METTL8: variants seen among roughly 807,000 people sequenced by gnomAD.
The protein encoded by METTL8 is methyltransferase 8, tRNA N3-cytidine.
METTL8 carries 32 observed loss-of-function variants against 48.7 expected under a neutral mutation model. The observed-to-expected ratio is 0.66, with a 90% confidence interval of 0.50 to 0.88. METTL8 has a LOEUF of 0.88. Among genes scored for constraint, METTL8 ranks in the 40% least tolerant of loss-of-function variants. The pLI is 0.00. For synonymous variants in METTL8, 136 were observed against 157.1 expected (o/e 0.87, Z 1.01); for missense variants, 464 against 474.4 (o/e 0.98, Z 0.20).
intron 1 of METTL8, among the ~76,000 whole-genome samples, chr2:171,430,689 G>A (rs1429074370): frequency 6.6e-6 from 1 of 152,128 alleles, no homozygotes; most frequent in African/African-American, 2.4e-5. Flanking sequence ...ATAGCAGCAG[G>A]AGGCAGACAA....
chr2:171,348,109 C>T (rs1479449607), intron 3 of METTL8, among the ~76,000 whole-genome samples: 1 of 152,166 alleles, frequency 6.6e-6, no homozygotes, highest in Non-Finnish European at 1.5e-5. Flanking sequence ...AAACTTTGGC[C>T]TCAATTTGTA....
At chr2:171,395,920 T>C (rs192321670) in intron 1 of METTL8, among the ~76,000 whole-genome samples, 75 of 152,250 alleles carry the variant, frequency 4.9e-4, no homozygotes, top group African/African-American at 1.6e-3. Flanking sequence ...CAAATGAACA[T>C]GGAACATTCA....
At position 171,389,785 on chromosome 2, in the gene METTL8, C is replaced by T. The variant is rs550283730; in HGVS notation, c.143+2258G>A. Among the ~76,000 whole-genome samples the T allele has an allele frequency of 1.4e-4, 22 of 152,202 alleles. No homozygotes were observed. In the South Asian group the frequency reaches 4.6e-3, roughly 32 times the overall value. On this transcript the variant is annotated intron_variant, in intron 2 of 9. Transcript: ENST00000375258. The stretch of plus-strand genomic sequence containing the variant: ...TGAGGTTTAAGGAAAGAAGACATCT[C>T]CATAGCATAAAAGTACAAAGCAAAG...
At chr2:171,354,793 A>G (rs1340273153) in intron 3 of METTL8, among the ~76,000 whole-genome samples, 1 of 152,112 alleles carries the variant, frequency 6.6e-6, no homozygotes, top group East Asian at 1.9e-4. Flanking sequence ...TTCTCGTGCC[A>G]TGGTTTTCAG....
intron 1 of METTL8, among the ~76,000 whole-genome samples, chr2:171,420,274 ACTTGTAG>A (rs1252008170): frequency 6.6e-6 from 1 of 152,192 alleles, no homozygotes; most frequent in Non-Finnish European, 1.5e-5. Context: ...TGGCACTAGA[ACTTGTAG>A]CTTTTGACTC....
intron 1 of METTL8, among the ~76,000 whole-genome samples, chr2:171,415,349 CT>C (rs762739077): frequency 0.015 from 1,690 of 112,308 alleles, 4 homozygotes; most frequent in African/African-American, 0.043. Context: ...ATCTCGAAAT[CT>C]TTTTTTTTTT....
chr2:171,335,490 T>C (rs988341720), intron 5 of METTL8, among the ~76,000 whole-genome samples: 1 of 152,168 alleles, frequency 6.6e-6, no homozygotes. Flanking sequence ...AGTAGTGCGA[T>C]CTCAGCTCAC....
rs748947065 is a variant in METTL8 at position 171,346,952 on chromosome 2, A to G, written c.236-7398T>C. ...GCCACTCAACATGGTTCCTCAGAAC[A>G]AAAGTATTCTTCCTTTACCACCCTC... On this transcript the variant is annotated intron_variant, in intron 3 of 9. Transcript: ENST00000375258. 2.6e-5 allele frequency among the ~76,000 whole-genome samples: 4 copies of G among 152,226 alleles called. No homozygotes were observed. The East Asian group carries it at 5.8e-4, about 22-fold the overall frequency.
rs548751899 is a variant in METTL8 at position 171,372,572 on chromosome 2, G to A, written c.144-12059C>T. Among the ~76,000 whole-genome samples, 11 of 152,074 alleles carry A rather than the reference G, an allele frequency of 7.2e-5. No homozygotes were observed. The East Asian group carries it at 2.1e-3, about 29-fold the overall frequency. The stretch of plus-strand genomic sequence containing the variant: ...ATATGTATACATGCGCCATGTTGGT[G>A]TGCTGCACCCATTAACTCGTCATTT... On this transcript the variant is annotated intron_variant, in intron 2 of 9. Transcript: ENST00000375258.
chr2:171,372,812 C>T (rs1320007164), intron 2 of METTL8, among the ~76,000 whole-genome samples: 1 of 152,134 alleles, frequency 6.6e-6, no homozygotes, highest in African/African-American at 2.4e-5. Flanking sequence ...AGGACATGAA[C>T]TCATCTTTTT....
At chr2:171,366,748 G>T (rs1685760767) in intron 2 of METTL8, among the ~76,000 whole-genome samples, 1 of 152,138 alleles carries the variant, frequency 6.6e-6, no homozygotes, top group African/African-American at 2.4e-5. Context: ...AGTAGGCTCA[G>T]GTGGGCATGG....
upstream of METTL8, chr2:171,434,054 C>T (rs1574294759): frequency 3.4e-6 from 1 of 293,786 alleles, no homozygotes; most frequent in East Asian, 1.2e-4. Flanking sequence ...GACCTGGAGG[C>T]GGCAGCACCG....
intron 9 of METTL8, among the ~76,000 whole-genome samples, chr2:171,324,809 C>G (rs1201421079): frequency 6.6e-6 from 1 of 152,164 alleles, no homozygotes. Context: ...CGCCTGTAAT[C>G]CCAGCACTTT....
chr2:171,367,674 TA>T (rs1685864451), intron 2 of METTL8, among the ~76,000 whole-genome samples: 1 of 152,208 alleles, frequency 6.6e-6, no homozygotes, highest in Admixed American at 6.5e-5. Flanking sequence ...CTCAACTAAC[TA>T]TATATAGCAA....
rs1248715892 is a variant in METTL8 at position 171,374,432 on chromosome 2, A to C, written c.144-13919T>G. Reference sequence around the variant, plus strand: ...TGATTTCAGTATACATAGATCTCTCATTTTTATTAACTGCTACATTATTTT... The same window carrying C: ...TGATTTCAGTATACATAGATCTCTCCTTTTTATTAACTGCTACATTATTTT... On this transcript the variant is annotated intron_variant, in intron 2 of 9. Coordinates refer to ENST00000375258, the MANE Select transcript of METTL8 (RefSeq NM_001321154.2). Among the ~76,000 whole-genome samples, 7 of 152,296 alleles carry C rather than the reference A, an allele frequency of 4.6e-5. No individual in the cohort carries two copies. In the East Asian group the frequency reaches 1.3e-3, roughly 29 times the overall value.
At chr2:171,372,007 T>C (rs115333032) in intron 2 of METTL8, among the ~76,000 whole-genome samples, 214 of 152,230 alleles carry the variant, frequency 1.4e-3, no homozygotes, top group African/African-American at 5.0e-3. Context: ...TTCTTACTTG[T>C]GTGACTAACA....
rs183586148 is a variant in METTL8, at chr2:171,336,240, C to T, written c.656+1213G>A. ...CCTCCCGAGTAGCTGGGATTACAGG[C>T]GCCCGCCACCACACCCAGCTAATTT... On this transcript the variant is annotated intron_variant, in intron 5 of 9. Coordinates refer to ENST00000375258, the MANE Select transcript of METTL8 (RefSeq NM_001321154.2). Among the ~76,000 whole-genome samples, 34 of 151,900 alleles carry T rather than the reference C, an allele frequency of 2.2e-4. 2 individuals carry two copies. The East Asian group carries it at 4.8e-3, about 22-fold the overall frequency.
At chr2:171,393,655 C>G (rs1405131625) in intron 1 of METTL8, among the ~76,000 whole-genome samples, 1 of 152,154 alleles carries the variant, frequency 6.6e-6, no homozygotes, top group African/African-American at 2.4e-5. Flanking sequence ...TTGTTCATCA[C>G]AACATTCAGC....
At chr2:171,429,261 G>A (rs1692733438) in intron 1 of METTL8, among the ~76,000 whole-genome samples, 1 of 152,192 alleles carries the variant, frequency 6.6e-6, no homozygotes, top group Non-Finnish European at 1.5e-5. Context: ...GTTTGTCATT[G>A]ATACATGTTA....
Sources: allele counts gnomAD v4.1 joint callset (sites outside exome capture counted in the v4.1 genomes callset), GRCh38; gene constraint gnomAD v4.1.1; transcripts MANE v1.5; gene names NCBI Gene and HGNC (gene_info 2026-07-23, HGNC 2026-07-21).